BAZ2B: variants seen among roughly 807,000 people sequenced by gnomAD.
The protein encoded by BAZ2B is bromodomain adjacent to zinc finger domain 2B.
A neutral mutation model predicts 246.0 loss-of-function variants in BAZ2B; 91 were observed. That is an observed-to-expected ratio of 0.37 (90% CI 0.31 to 0.44). The LOEUF (loss-of-function observed/expected upper bound fraction) is 0.44. Ranked by LOEUF, BAZ2B falls within the 20% of genes least tolerant of loss-of-function variation. The pLI is 1.00. For missense variants in BAZ2B, 2,332 were observed against 2,533.7 expected, an observed-to-expected ratio of 0.92 and a Z score of 1.71; for synonymous variants, 855 against 860.0, an observed-to-expected ratio of 0.99 and a Z score of 0.10.
downstream of BAZ2B, among the ~76,000 whole-genome samples, chr2:159,315,427 T>A (rs112914008): frequency 7.4e-3 from 1,125 of 152,318 alleles, 14 homozygotes; most frequent in African/African-American, 0.026. Context: ...TCAGTCGAGA[T>A]GTTGGCTGGG....
At position 159,448,322 on chromosome 2, in the gene BAZ2B, G is replaced by C; in HGVS notation, c.422C>G (p.Ala141Gly). The change falls in exon 5 of 37, where the codon GCT becomes GGT. Residue 141 changes from alanine to glycine, a missense_variant. Transcript: ENST00000392783. ...PPLLGIPPLF[A>G]PPAQNHDSSS... is the part of the protein sequence containing the mutation. The stretch of plus-strand genomic sequence containing the variant: ...AGAATCATGATTCTGGGCTGGGGGA[G>C]CAAATAGTGGTGGAATTCCCAGTAA... The C allele has an allele frequency of 6.2e-7, 1 of 1,613,304 alleles. No individual in the cohort carries two copies. The highest frequency in any genetic ancestry group is 8.5e-7 in the Non-Finnish European group (1 of 1,179,798).
the BAZ2B span, among the ~76,000 whole-genome samples, chr2:159,641,208 T>G: frequency 6.6e-6 from 1 of 152,208 alleles, no homozygotes; most frequent in Admixed American, 6.5e-5. Context: ...CATTCCTTTT[T>G]CTCCACAACC....
rs192742747 is a variant in BAZ2B, at chr2:159,430,392, A to G, written c.2194+471T>C. 1.1e-4 allele frequency among the ~76,000 whole-genome samples: 17 copies of G among 152,342 alleles called. 1 individual carries two copies. The East Asian group carries it at 2.9e-3, about 26-fold the overall frequency. Reference sequence around the variant, plus strand: ...TCTCTTTATTGTAAGAATACAGTATATAACACATACAACATACGTTAATTG... The same window carrying G: ...TCTCTTTATTGTAAGAATACAGTATGTAACACATACAACATACGTTAATTG... On this transcript the variant is annotated intron_variant, in intron 10 of 36. Coordinates refer to ENST00000392783, the MANE Select transcript of BAZ2B (RefSeq NM_013450.4).
intron 2 of BAZ2B, among the ~76,000 whole-genome samples, chr2:159,487,850 C>A (rs1423742586): frequency 1.1e-4 from 17 of 150,306 alleles, no homozygotes. Flanking sequence ...GTTAAATGAC[C>A]AAAGATAAGA....
At chr2:159,356,131 G>A (rs1180218643) in intron 27 of BAZ2B, among the ~76,000 whole-genome samples, 1 of 152,138 alleles carries the variant, frequency 6.6e-6, no homozygotes, top group Admixed American at 6.5e-5. Context: ...GAGTGCCAGC[G>A]AGACAGAACC....
chr2:159,378,562 G>C (rs1013623881), intron 25 of BAZ2B, among the ~76,000 whole-genome samples: 1 of 151,880 alleles, frequency 6.6e-6, no homozygotes, highest in Non-Finnish European at 1.5e-5. Context: ...ATTTGATAAG[G>C]GGTTAATATC....
At chr2:159,486,448 A>C (rs2079838643) in intron 2 of BAZ2B, among the ~76,000 whole-genome samples, 1 of 152,042 alleles carries the variant, frequency 6.6e-6, no homozygotes, top group Non-Finnish European at 1.5e-5. Context: ...TAAGTACTAC[A>C]TGTCTGATGA....
At chr2:159,667,245 G>A in the BAZ2B span, among the ~76,000 whole-genome samples, 1 of 150,852 alleles carries the variant, frequency 6.6e-6, no homozygotes, top group Non-Finnish European at 1.5e-5. Context: ...TTCAATATAA[G>A]ATAGGATTAA....
chr2:159,385,471 A>G, intron 22 of BAZ2B, 102 bp from the exon 23 acceptor site: 1 of 996,694 alleles, frequency 1.0e-6, no homozygotes, highest in South Asian at 1.8e-5. Context: ...GATACTACTG[A>G]CAAGAGCTTT....
At chr2:159,442,791 T>G (rs1019626773) in intron 6 of BAZ2B, among the ~76,000 whole-genome samples, 1 of 152,206 alleles carries the variant, frequency 6.6e-6, no homozygotes. Flanking sequence ...TACTTCACTT[T>G]GTATAATAAT....
intron 2 of BAZ2B, among the ~76,000 whole-genome samples, chr2:159,514,298 T>C (rs1279239522): frequency 6.6e-6 from 1 of 152,106 alleles, no homozygotes; most frequent in Non-Finnish European, 1.5e-5. Flanking sequence ...AATAAAACAA[T>C]ACATTGGATA....
intron 2 of BAZ2B, among the ~76,000 whole-genome samples, chr2:159,515,792 A>T (rs551076114): frequency 6.6e-6 from 1 of 152,216 alleles, no homozygotes; most frequent in South Asian, 2.1e-4. Flanking sequence ...TATCATAAGG[A>T]TCTCTTTGCT....
the BAZ2B span, among the ~76,000 whole-genome samples, chr2:159,710,125 C>T: frequency 6.6e-6 from 1 of 152,062 alleles, no homozygotes; most frequent in African/African-American, 2.4e-5. Flanking sequence ...TGTCAAATCA[C>T]TTTGTGACGA....
At chr2:159,683,785 C>G in the BAZ2B span, among the ~76,000 whole-genome samples, 1 of 152,208 alleles carries the variant, frequency 6.6e-6, no homozygotes, top group African/African-American at 2.4e-5. Context: ...CCCCTACTAA[C>G]TCTTTTTTCT....
In BAZ2B at chr2:159,432,779, A is replaced by C. The variant is rs761438956; in HGVS notation, c.1878T>G (p.Asp626Glu). 8 of 1,612,456 alleles carry C rather than the reference A, an allele frequency of 5.0e-6. 1 individual carries two copies. In the South Asian group the frequency reaches 8.8e-5, roughly 18 times the overall value. The change falls in exon 9 of 37, where the codon GAT becomes GAG. Residue 626 changes from aspartate to glutamate, a missense_variant. By Grantham distance (45) the Asp-to-Glu change is conservative (BLOSUM62 2). Transcript: ENST00000392783. The stretch of plus-strand genomic sequence containing the variant: ...AACCTGATTGGCTGTCATCAGATTC[A>C]TCATCTTCATCATCTTCCTCATCTT... ...EEEDEEDDED[D>E]ESDDSQSESD...
chr2:159,663,855 C>CTTTTTT, the BAZ2B span, among the ~76,000 whole-genome samples: 110 of 92,484 alleles, frequency 1.2e-3, no homozygotes, highest in East Asian at 3.4e-3. Context: ...AAACCATTTT[C>CTTTTTT]TTTTTTTTTT....
intron 2 of BAZ2B, among the ~76,000 whole-genome samples, chr2:159,542,352 G>A (rs984225033): frequency 1.4e-5 from 2 of 146,544 alleles, no homozygotes; most frequent in African/African-American, 5.1e-5. Context: ...TGAACTTCAA[G>A]TAGGATAAAT....
the BAZ2B span, among the ~76,000 whole-genome samples, chr2:159,700,770 T>C: frequency 1.3e-5 from 2 of 152,196 alleles, no homozygotes; most frequent in African/African-American, 2.4e-5. Flanking sequence ...TTATTGTTTT[T>C]TTTTCCTTGA....
intron 23 of BAZ2B, 34 bp downstream of exon 23, chr2:159,385,121 G>T: frequency 6.4e-7 from 1 of 1,559,916 alleles, no homozygotes; most frequent in Non-Finnish European, 8.8e-7. Flanking sequence ...ATTCAAAATG[G>T]AAAAATCACG....
Sources: gnomAD v4.1 joint callset for allele counts (sites outside exome capture counted in the v4.1 genomes callset) on GRCh38, gnomAD v4.1.1 for gene constraint, MANE v1.5 for transcripts, NCBI Gene and HGNC (gene_info 2026-07-23, HGNC 2026-07-21) for gene names.